Variants in CTBS observed in about 807,000 individuals in gnomAD.
CTBS encodes the protein di-N-acetylchitobiase.
A neutral mutation model predicts 44.3 loss-of-function variants in CTBS; 35 were observed. The ratio of observed to expected loss-of-function variants is 0.79; its 90% CI spans 0.60 to 1.05. The LOEUF is 1.05. CTBS is among the 50% of genes least tolerant of loss of function. The pLI is 0.00. For missense variants in CTBS, 458 were observed against 475.3 expected, an observed-to-expected ratio of 0.96 and a Z score of 0.34; for synonymous variants, 143 against 168.0, an observed-to-expected ratio of 0.85 and a Z score of 1.15.
intron 1 of CTBS, 86 bp downstream of exon 1, chr1:84,574,153 G>C: frequency 6.5e-7 from 1 of 1,541,152 alleles, no homozygotes; most frequent in Non-Finnish European, 8.8e-7. Flanking sequence ...CGGCGCCCAC[G>C]GCACCTCTCC....
chr1:84,565,766 C>T, intron 4 of CTBS, 75 bp downstream of exon 4: 1 of 856,738 alleles, frequency 1.2e-6, no homozygotes, highest in Non-Finnish European at 1.6e-6. Flanking sequence ...CTTAGAAATA[C>T]TAAAAACATC....
In CTBS at chr1:84,550,587, T is replaced by G. The variant is rs1684240007; in HGVS notation, c.*4412A>C. On this transcript the variant is annotated 3_prime_UTR_variant, in exon 7 of 7. Coordinates refer to ENST00000370630, the MANE Select transcript of CTBS (RefSeq NM_004388.3). Reference sequence around the variant, plus strand: ...TAACATTTATCTTGAAATAAAATATTTTGGTGTTTTAACTTTGGGTGTCAA... The same window carrying G: ...TAACATTTATCTTGAAATAAAATATGTTGGTGTTTTAACTTTGGGTGTCAA... The G allele has an allele frequency of 2.1e-6, 3 of 1,435,418 alleles. No homozygotes were observed. Among genetic ancestry groups the G allele is most frequent in the African/African-American group, 2.9e-5 (2 of 67,818 alleles). 88.9% of individuals were successfully genotyped at this position (1,435,418 alleles called of 1,614,324 possible).
intron 3 of CTBS, among the ~76,000 whole-genome samples, chr1:84,569,193 C>G (rs540815558): frequency 6.6e-6 from 1 of 152,324 alleles, no homozygotes; most frequent in African/African-American, 2.4e-5. Flanking sequence ...TACTTCTTAA[C>G]TATAATCACC....
At chr1:84,572,258 C>T (rs1307761635) in intron 1 of CTBS, among the ~76,000 whole-genome samples, 1 of 151,660 alleles carries the variant, frequency 6.6e-6, no homozygotes, top group Non-Finnish European at 1.5e-5. Flanking sequence ...ATTAATTATG[C>T]ATAACTCATT....
chr1:84,558,678 AT>A (rs1315243453), intron 6 of CTBS, among the ~76,000 whole-genome samples: 16 of 151,634 alleles, frequency 1.1e-4, no homozygotes, highest in African/African-American at 3.6e-4. Context: ...AGGTGGGAGA[AT>A]CACTTGAGGC....
At chr1:84,562,847 T>C (rs1684619547) in intron 6 of CTBS, among the ~76,000 whole-genome samples, 1 of 152,214 alleles carries the variant, frequency 6.6e-6, no homozygotes, top group Admixed American at 6.5e-5. Context: ...GTTCTCAGCC[T>C]CATTCCTCCC....
intron 6 of CTBS, among the ~76,000 whole-genome samples, chr1:84,558,185 G>C (rs1334761205): frequency 6.6e-6 from 1 of 152,074 alleles, no homozygotes; most frequent in Non-Finnish European, 1.5e-5. Context: ...TGGTATGTGA[G>C]GTAATACATA....
Position 84,570,710 on chromosome 1 carries a change from A to G in CTBS, c.188T>C (p.Phe63Ser). 6.2e-7 allele frequency: 1 copy of G among 1,613,206 alleles called. No homozygotes were observed. Among genetic ancestry groups the G allele is most frequent in the Non-Finnish European group, 8.5e-7 (1 of 1,179,646 alleles). ...RHHPDFEVFV[F>S]DVGQKTWKSY... The stretch of plus-strand genomic sequence containing the variant: ...TTTCCAAGTTTTCTGTCCAACATCA[A>G]ACACAAAGACCTGCCAGAACAAAGA... Residue 63 changes from phenylalanine (F) to serine (S), a missense_variant, in exon 2 of 7, where the codon TTT (phenylalanine) becomes TCT (serine). Phe to Ser is a radical substitution (Grantham distance 155). Coordinates refer to ENST00000370630, the MANE Select transcript of CTBS (RefSeq NM_004388.3).
chr1:84,574,314 C>T lies in CTBS; in HGVS notation c.102G>A (p.Arg34=), dbSNP rs545745384. The change falls in exon 1 of 7, where the codon CGG becomes CGA. Residue 34 remains arginine, a synonymous_variant. Transcript: ENST00000370630. ...LLALLALLAL[R]LAAGTDCPCP... ...ATGGGCAGTCGGTCCCGGCCGCGAG[C>T]CGCAGCGCCAGCAGCGCCAGCAGCG... is the stretch of plus-strand genomic sequence containing the variant. 428 of 1,552,126 alleles carry T rather than the reference C, an allele frequency of 2.8e-4. 4 individuals carry two copies. In the South Asian group the frequency reaches 4.5e-3, roughly 16 times the overall value.
At chr1:84,567,973 A>G (rs1684730320) in intron 3 of CTBS, among the ~76,000 whole-genome samples, 1 of 152,184 alleles carries the variant, frequency 6.6e-6, no homozygotes, top group South Asian at 2.1e-4. Context: ...ACTCCTACAG[A>G]ATAGTTTCCC....
At chr1:84,572,380 A>C (rs1647334881) in intron 1 of CTBS, among the ~76,000 whole-genome samples, 1 of 151,942 alleles carries the variant, frequency 6.6e-6, no homozygotes, top group Non-Finnish European at 1.5e-5. Context: ...TAGTTCTGAT[A>C]ATTAAGATTC....
At chr1:84,561,297 G>C (rs947582350) in intron 6 of CTBS, among the ~76,000 whole-genome samples, 1 of 152,240 alleles carries the variant, frequency 6.6e-6, no homozygotes, top group African/African-American at 2.4e-5. Flanking sequence ...TGCAGAGGTA[G>C]TGGAAACAGC....
At chr1:84,572,582 T>G (rs944067461) in intron 1 of CTBS, among the ~76,000 whole-genome samples, 5 of 151,976 alleles carry the variant, frequency 3.3e-5, no homozygotes, top group African/African-American at 1.2e-4. Flanking sequence ...TAATTTTGCT[T>G]CTTTGAATAG....
intron 4 of CTBS, among the ~76,000 whole-genome samples, chr1:84,564,372 A>G (rs1357863834): frequency 2.6e-5 from 4 of 152,190 alleles, no homozygotes; most frequent in Non-Finnish European, 5.9e-5. Flanking sequence ...TTCTTGCCCA[A>G]TGCTGCAAAA....
Position 84,550,296 on chromosome 1 carries a change from A to T in CTBS, c.*4703T>A. 1 of 425,604 alleles carries T rather than the reference A, an allele frequency of 2.3e-6. No homozygotes were observed. Among genetic ancestry groups the T allele is most frequent in the Non-Finnish European group, 4.1e-6 (1 of 241,386 alleles). The allele number at this position is 425,604 out of a possible 1,614,324, so 26.4% of individuals were successfully genotyped here. A position where few individuals can be genotyped will look rare whatever the true frequency, so the allele number is the denominator to read the frequency against. On this transcript the variant is annotated 3_prime_UTR_variant, in exon 7 of 7. Transcript: ENST00000370630. Reference sequence around the variant, plus strand: ...AATAGTAATTTCTCCAAAGCAATTTAGTTTACTTTACGGAATAGGTTATTT... The same window carrying T: ...AATAGTAATTTCTCCAAAGCAATTTTGTTTACTTTACGGAATAGGTTATTT...
At chr1:84,569,394 G>C (rs1161527024) in intron 3 of CTBS, among the ~76,000 whole-genome samples, 1 of 152,176 alleles carries the variant, frequency 6.6e-6, no homozygotes, top group Non-Finnish European at 1.5e-5. Flanking sequence ...ATTATCCTCT[G>C]TTACCCATCT....
intron 6 of CTBS, among the ~76,000 whole-genome samples, chr1:84,562,307 T>C (rs11804372): frequency 0.089 from 13,611 of 152,268 alleles, 1,191 homozygotes; most frequent in African/African-American, 0.23. Context: ...AAACACTGTT[T>C]AGGAAAGATA....
chr1:84,557,533 C>CAAAAAAAAAAAAAAAAA (rs56101174), intron 6 of CTBS, among the ~76,000 whole-genome samples: 9 of 55,418 alleles, frequency 1.6e-4, no homozygotes, highest in Non-Finnish European at 3.2e-4. Flanking sequence ...AACTCCATCT[C>CAAAAAAAAAAAAAAAAA]AAAAAAAAAA....
chr1:84,569,912 A>G lies in CTBS; in HGVS notation c.525+19T>C. The G allele has an allele frequency of 1.2e-6, 2 of 1,601,858 alleles. No homozygotes were observed. Among genetic ancestry groups the G allele is most frequent in the Non-Finnish European group, 1.7e-6 (2 of 1,173,688 alleles). On this transcript the variant is annotated intron_variant, in intron 3 of 6. Transcript: ENST00000370630. ...GATATGGAAAATATGAGGTTTCCAA[A>G]AAATAAATGAGTTTTTACCTGTGAT... is the stretch of plus-strand genomic sequence containing the variant.
Sources: gnomAD v4.1 joint callset for allele counts (sites outside exome capture counted in the v4.1 genomes callset) on GRCh38, gnomAD v4.1.1 for gene constraint, MANE v1.5 for transcripts, NCBI Gene and HGNC (gene_info 2026-07-23, HGNC 2026-07-21) for gene names.